LRRIQ1: variants seen among roughly 807,000 people sequenced by gnomAD.
The protein encoded by LRRIQ1 is leucine-rich repeat- and IQ domain-containing protein 1.
In LRRIQ1, 210 loss-of-function variants were observed where a neutral mutation model predicts 211.9. The ratio of observed to expected loss-of-function variants is 0.99; its 90% CI spans 0.89 to 1.11. LRRIQ1 has a LOEUF of 1.11. Ranked by LOEUF, LRRIQ1 falls within the 50% of genes most tolerant of loss-of-function variation. LRRIQ1 has a pLI of 0.00. For missense variants in LRRIQ1, 2,136 were observed against 1,939.5 expected (o/e 1.10, Z -1.90); for synonymous variants, 699 against 650.1 (o/e 1.08, Z -1.14).
In LRRIQ1 at chr12:85,229,632, T is replaced by C; in HGVS notation, c.4938T>C (p.Ser1646=). The C allele has an allele frequency of 6.2e-7, 1 of 1,611,658 alleles. No individual in the cohort carries two copies. Among genetic ancestry groups the C allele is most frequent in the South Asian group, 1.1e-5 (1 of 90,700 alleles). Residue 1646 remains serine, a synonymous_variant, in exon 25 of 27, where the codon AGT becomes AGC. Transcript: ENST00000393217. The stretch of plus-strand genomic sequence containing the variant: ...AGGTTGGGGTTCATGAAACGACTAG[T>C]TCCAGAAATATGAAATGGTGAGGTC... ...HTQVGVHETT[S]SRNMKCNHFL... is the part of the protein sequence containing the mutation.
intron 26 of LRRIQ1, among the ~76,000 whole-genome samples, chr12:85,235,061 T>C (rs1483237808): frequency 2.0e-5 from 3 of 152,166 alleles, no homozygotes; most frequent in Non-Finnish European, 4.4e-5. Context: ...CCTTCAATAG[T>C]GAGGCAAGAA....
chr12:85,113,430 T>C (rs577005949), intron 15 of LRRIQ1, among the ~76,000 whole-genome samples: 1 of 152,262 alleles, frequency 6.6e-6, no homozygotes, highest in African/African-American at 2.4e-5. Context: ...TTTAAAAGGA[T>C]ATAATCTAAA....
intron 24 of LRRIQ1, among the ~76,000 whole-genome samples, chr12:85,209,786 T>G (rs1893747209): frequency 6.6e-6 from 1 of 152,144 alleles, no homozygotes; most frequent in South Asian, 2.1e-4. Flanking sequence ...ATATATCTGA[T>G]TGTTTCTTCA....
chr12:85,152,540 C>G (rs927253991), intron 20 of LRRIQ1, among the ~76,000 whole-genome samples, 171 bp downstream of exon 20: 42 of 151,710 alleles, frequency 2.8e-4, no homozygotes, highest in African/African-American at 9.9e-4. Context: ...GCTTTTCTTT[C>G]ATTTGCTCCT....
At chr12:85,151,838 A>G (rs1279530345) in intron 19 of LRRIQ1, among the ~76,000 whole-genome samples, 1 of 151,718 alleles carries the variant, frequency 6.6e-6, no homozygotes, top group African/African-American at 2.4e-5. Flanking sequence ...ATTTGTGAAA[A>G]TAAAAAAAAT....
chr12:85,167,558 A>T (rs1348347583), intron 24 of LRRIQ1, among the ~76,000 whole-genome samples: 1 of 152,156 alleles, frequency 6.6e-6, no homozygotes, highest in Non-Finnish European at 1.5e-5. Flanking sequence ...AGAAAGATGA[A>T]GGCTGGAAGA....
intron 24 of LRRIQ1, among the ~76,000 whole-genome samples, chr12:85,186,315 A>G (rs1440419458): frequency 6.6e-6 from 1 of 152,170 alleles, no homozygotes; most frequent in Non-Finnish European, 1.5e-5. Context: ...CTTAAAGTGT[A>G]TAGGGAATAT....
At chr12:85,212,473 A>G (rs1004903601) in intron 24 of LRRIQ1, among the ~76,000 whole-genome samples, 1 of 152,102 alleles carries the variant, frequency 6.6e-6, no homozygotes, top group Non-Finnish European at 1.5e-5. Flanking sequence ...TCCAAGTTGC[A>G]AGAATATAGA....
At chr12:85,116,452 A>T (rs1887588993) in intron 15 of LRRIQ1, among the ~76,000 whole-genome samples, 1 of 152,076 alleles carries the variant, frequency 6.6e-6, no homozygotes, top group South Asian at 2.1e-4. Flanking sequence ...CCGGGTTCTT[A>T]TTCTTTAGTG....
intron 18 of LRRIQ1, among the ~76,000 whole-genome samples, chr12:85,137,517 G>GT (rs975771837): frequency 2.6e-5 from 4 of 151,430 alleles, no homozygotes; most frequent in African/African-American, 9.7e-5. Flanking sequence ...AGCAAAATGG[G>GT]TTTTGCTTTG....
At position 85,152,335 on chromosome 12, in the gene LRRIQ1, C is replaced by G; in HGVS notation, c.4385C>G (p.Thr1462Arg). The G allele has an allele frequency of 6.2e-7, 1 of 1,611,432 alleles. No individual in the cohort carries two copies. The highest frequency in any genetic ancestry group is 1.1e-5 in the South Asian group (1 of 90,958). ...ALDSTRFPSQ[T>R]LLLSNQLHWP... is the part of the protein sequence containing the mutation. ...GATTCCACCCGCTTCCCTTCACAAA[C>G]ACTGCTTCTTTCAAACCAGCTGCAT... The change falls in exon 20 of 27, where the codon ACA becomes AGA. Residue 1462 changes from threonine to arginine, a missense_variant. Thr to Arg is a moderately conservative substitution (Grantham distance 71). Transcript: ENST00000393217.
At chr12:85,247,265 G>A (rs1895755437), downstream of LRRIQ1, among the ~76,000 whole-genome samples, 1 of 151,474 alleles carries the variant, frequency 6.6e-6, no homozygotes, top group Non-Finnish European at 1.5e-5. Context: ...TAACAGCTTT[G>A]GTATCTTGAA....
intron 24 of LRRIQ1, among the ~76,000 whole-genome samples, chr12:85,183,496 A>AT (rs1259786334): frequency 8.6e-5 from 13 of 151,732 alleles, no homozygotes; most frequent in Admixed American, 6.6e-4. Context: ...ATTCTCCTTG[A>AT]TTTTTTTTCA....
intron 26 of LRRIQ1, 34 bp from the exon 27 acceptor site, chr12:85,244,755 C>G (rs1282432019): frequency 6.3e-7 from 1 of 1,586,038 alleles, no homozygotes. Flanking sequence ...TATTTTGTTT[C>G]ATGATTGTAT....
intron 1 of LRRIQ1, among the ~76,000 whole-genome samples, chr12:85,260,335 A>G (rs1565932667): frequency 6.6e-6 from 1 of 152,060 alleles, no homozygotes; most frequent in East Asian, 1.9e-4. Context: ...TAAAATGAAG[A>G]AAACCCTGAA....
intron 26 of LRRIQ1, among the ~76,000 whole-genome samples, chr12:85,243,644 GA>G (rs1261763679): frequency 6.6e-6 from 1 of 151,046 alleles, no homozygotes; most frequent in African/African-American, 2.4e-5. Flanking sequence ...TGTTGTACAT[GA>G]TACATGTATA....
Position 85,137,864 on chromosome 12 carries a change from C to A in LRRIQ1, c.4224C>A (p.Gly1408=). The A allele has an allele frequency of 1.3e-6, 2 of 1,594,350 alleles. No homozygotes were observed. Among genetic ancestry groups the A allele is most frequent in the Non-Finnish European group, 1.7e-6 (2 of 1,172,712 alleles). ...AAILIQAVWK[G]FILRKKLTTA... is the part of the protein sequence containing the mutation. ...TTTTTGTTTAGGCAGTTTGGAAGGG[C>A]TTTATTTTGCGAAAGAAACTGACAA... The change falls in exon 19 of 27, where the codon GGC becomes GGA. Residue 1408 remains glycine (G), a synonymous_variant. Transcript: ENST00000393217.
chr12:85,142,272 CT>C (rs572083605), intron 19 of LRRIQ1, among the ~76,000 whole-genome samples: 36 of 151,386 alleles, frequency 2.4e-4, no homozygotes, highest in African/African-American at 8.4e-4. Context: ...CTATGATTTT[CT>C]TTATTGCCCT....
chr12:85,216,839 AAGTC>A (rs1161834638), intron 24 of LRRIQ1, among the ~76,000 whole-genome samples: 2 of 152,022 alleles, frequency 1.3e-5, no homozygotes, highest in East Asian at 1.9e-4. Flanking sequence ...CATAAAATAA[AAGTC>A]AGTCTTTCTA....
Sources: allele counts gnomAD v4.1 joint callset (sites outside exome capture counted in the v4.1 genomes callset), GRCh38; gene constraint gnomAD v4.1.1; transcripts MANE v1.5; gene names NCBI Gene and HGNC (gene_info 2026-07-23, HGNC 2026-07-21).